The following DPY19L3 variants were observed in gnomAD, a reference collection of about 807,000 sequenced individuals.
The protein encoded by DPY19L3 is dpy-19 like C-mannosyltransferase 3, also known as protein C-mannosyl-transferase DPY19L3.
In DPY19L3, 51 loss-of-function variants were observed where a neutral mutation model predicts 92.3. The ratio of observed to expected loss-of-function variants is 0.55; its 90% CI spans 0.44 to 0.70. DPY19L3 has a LOEUF of 0.70. Among genes scored for constraint, DPY19L3 ranks in the 30% least tolerant of loss-of-function variants. The pLI is 0.00. For missense variants in DPY19L3, 706 were observed against 855.9 expected (o/e 0.82, Z 2.18); for synonymous variants, 309 against 315.2 (o/e 0.98, Z 0.21).
At chr19:32,415,946 C>T (rs972233485) in intron 3 of DPY19L3, among the ~76,000 whole-genome samples, 12 of 152,270 alleles carry the variant, frequency 7.9e-5, no homozygotes, top group African/African-American at 2.9e-4. Flanking sequence ...TAAACCAAAA[C>T]CTACATGATA....
chr19:32,482,166 C>T lies in DPY19L3; in HGVS notation c.2077C>T (p.Pro693Ser). 6.2e-7 allele frequency: 1 copy of T among 1,613,830 alleles called. No homozygotes were observed. Among genetic ancestry groups the T allele is most frequent in the Non-Finnish European group, 8.5e-7 (1 of 1,179,848 alleles). ...FCEEIKRNLPPYVAYFTRVFQ... is the reference protein window; with the variant it reads ...FCEEIKRNLPSYVAYFTRVFQ... ...TGAAGAGATCAAAAGAAACCTGCCTCCCTACGTGGCCTACTTCACCAGAGT... is the reference window on the plus strand; with the variant it reads ...TGAAGAGATCAAAAGAAACCTGCCTTCCTACGTGGCCTACTTCACCAGAGT... Residue 693 changes from proline (P) to serine (S), a missense_variant, in exon 19 of 19, where the codon CCC (proline) becomes TCC (serine). Coordinates refer to ENST00000392250, the MANE Select transcript of DPY19L3 (RefSeq NM_001172774.2).
Position 32,454,956 on chromosome 19 carries a change from A to G in DPY19L3, c.1005A>G (p.Gly335=). 6.4e-7 allele frequency: 1 copy of G among 1,564,302 alleles called. No homozygotes were observed. The highest frequency in any genetic ancestry group is 2.3e-5 in the Admixed American group (1 of 44,052). The part of the protein sequence containing the change: ...ARKLQKNLKT[G]SFLNRLGKLL... The stretch of plus-strand genomic sequence containing the variant: ...ATTTCTAGAAAAATCTGAAAACTGG[A>G]AGCTTCCTTAATAGGCTTGGGAAAC... Residue 335 remains glycine, a synonymous_variant, in exon 10 of 19, where the codon GGA becomes GGG. Coordinates refer to ENST00000392250, the MANE Select transcript of DPY19L3 (RefSeq NM_001172774.2).
rs1240666626 is a variant in DPY19L3 at position 32,458,332 on chromosome 19, C to T, written c.1164-19C>T. On this transcript the variant is annotated intron_variant, in intron 11 of 18. Coordinates refer to ENST00000392250, the MANE Select transcript of DPY19L3 (RefSeq NM_001172774.2). ...GTCTTATATTGAATTTAATACTTTGCTTTCCATTTGTTCCCTAGGGATTTT... is the reference window on the plus strand; with the variant it reads ...GTCTTATATTGAATTTAATACTTTGTTTTCCATTTGTTCCCTAGGGATTTT... 5.6e-6 allele frequency: 9 copies of T among 1,606,238 alleles called. No homozygotes were observed. Among genetic ancestry groups the T allele is most frequent in the Middle Eastern group, 1.7e-4 (1 of 6,020 alleles).
At chr19:32,476,581 C>CT (rs1308961400) in intron 16 of DPY19L3, among the ~76,000 whole-genome samples, 3 of 149,960 alleles carry the variant, frequency 2.0e-5, no homozygotes, top group African/African-American at 4.9e-5. Context: ...ACTAAGATTC[C>CT]TTTTTTCCAG....
intron 10 of DPY19L3, among the ~76,000 whole-genome samples, chr19:32,456,163 T>TC (rs1969860332): frequency 6.8e-6 from 1 of 147,098 alleles, no homozygotes; most frequent in African/African-American, 2.5e-5. Flanking sequence ...GCAGCCTCGA[T>TC]CTCCTGGATT....
intron 3 of DPY19L3, among the ~76,000 whole-genome samples, chr19:32,421,016 A>G (rs1968550288): frequency 1.3e-5 from 2 of 152,188 alleles, no homozygotes; most frequent in African/African-American, 4.8e-5. Flanking sequence ...GTTACATACT[A>G]TGCTTTTTCC....
intron 15 of DPY19L3, chr19:32,467,768 T>TAGATATGTATATA: frequency 1.3e-5 from 13 of 982,990 alleles, no homozygotes; most frequent in Non-Finnish European, 1.5e-5. Flanking sequence ...TATATAGATA[T>TAGATATGTATATA]GATCAAGTCT....
At chr19:32,460,818 T>C (rs1244351084) in intron 12 of DPY19L3, among the ~76,000 whole-genome samples, 1 of 151,908 alleles carries the variant, frequency 6.6e-6, no homozygotes, top group Non-Finnish European at 1.5e-5. Flanking sequence ...TCTACCTTTT[T>C]AGTACTAGGA....
intron 15 of DPY19L3, chr19:32,468,369 T>C: frequency 2.0e-6 from 2 of 1,014,830 alleles, no homozygotes; most frequent in Non-Finnish European, 2.4e-6. Flanking sequence ...TACATATTCC[T>C]AACGGATTGT....
chr19:32,414,247 C>T (rs8102049), intron 3 of DPY19L3, among the ~76,000 whole-genome samples: 6 of 151,900 alleles, frequency 3.9e-5, no homozygotes, highest in South Asian at 4.2e-4. Context: ...GGTGAAATCC[C>T]GTCTGTACTA....
intron 4 of DPY19L3, among the ~76,000 whole-genome samples, 196 bp downstream of exon 4, chr19:32,433,002 T>C (rs1043883636): frequency 1.3e-5 from 2 of 152,220 alleles, no homozygotes; most frequent in Admixed American, 1.3e-4. Flanking sequence ...CCTCCTCTCT[T>C]TGCCTTCCAG....
chr19:32,463,864 T>C lies in DPY19L3; in HGVS notation c.1446-5T>C. The stretch of plus-strand genomic sequence containing the variant: ...TCTGACTTGCGCCTGTGTCTGTTCT[T>C]GCAGAATGAAGTACCTCTGGACGTC... On this transcript the variant is annotated splice_region_variant and splice_polypyrimidine_tract_variant and intron_variant, in intron 13 of 18. Coordinates refer to ENST00000392250, the MANE Select transcript of DPY19L3 (RefSeq NM_001172774.2). 1.2e-6 allele frequency: 2 copies of C among 1,611,732 alleles called. No homozygotes were observed. Among genetic ancestry groups the C allele is most frequent in the Non-Finnish European group, 1.7e-6 (2 of 1,178,194 alleles).
intron 16 of DPY19L3, among the ~76,000 whole-genome samples, chr19:32,470,235 A>G (rs970738938): frequency 1.3e-5 from 2 of 152,252 alleles, no homozygotes; most frequent in Non-Finnish European, 2.9e-5. Flanking sequence ...TACAGAGTAA[A>G]TAATTCCTTC....
intron 3 of DPY19L3, among the ~76,000 whole-genome samples, chr19:32,421,406 G>A (rs1466749407): frequency 3.3e-5 from 5 of 152,162 alleles, no homozygotes; most frequent in South Asian, 2.1e-4. Context: ...TTGGGAGGCC[G>A]AGGTGGGCAC....
intron 5 of DPY19L3, 125 bp downstream of exon 5, chr19:32,436,692 AT>A (rs762543897): frequency 1.4e-4 from 127 of 891,842 alleles, no homozygotes; most frequent in South Asian, 6.3e-4. Flanking sequence ...GCAATACTAT[AT>A]TTTTTTTCCA....
In DPY19L3 at chr19:32,451,127, A is replaced by G. The variant is rs568516844; in HGVS notation, c.856-2018A>G. Among the ~76,000 whole-genome samples, 12 of 152,358 alleles carry G rather than the reference A, an allele frequency of 7.9e-5. No homozygotes were observed. In the East Asian group the frequency reaches 1.9e-3, roughly 25 times the overall value. ...TAAAGAGATGTTCACAATGTTAATA[A>G]AAAGCCAGAAACACCTAAATGGTCC... On this transcript the variant is annotated intron_variant, in intron 8 of 18. Transcript: ENST00000392250.
At chr19:32,467,759 A>G (rs935460158) in intron 15 of DPY19L3, 1 of 983,820 alleles carries the variant, frequency 1.0e-6, no homozygotes, top group Non-Finnish European at 1.2e-6. Context: ...CTTAGAATGT[A>G]TATAGATATG....
In DPY19L3 at chr19:32,484,121, AT is replaced by A. The variant is rs573964055; in HGVS notation, c.*1891del. On this transcript the variant is annotated 3_prime_UTR_variant, in exon 19 of 19. Transcript: ENST00000392250. ...ATCACCGCAATGATGGCAAACAGTG[AT>A]TTTTTTTTTCATAGTTTAGGTGTCA... The A allele has an allele frequency of 3.1e-3, 476 of 151,148 alleles. 2 individuals are homozygous for A. The highest frequency in any genetic ancestry group is 5.3e-3 in the Non-Finnish European group (357 of 67,596). The allele number at this position is 151,148 out of a possible 1,614,324, so 9.4% of individuals were successfully genotyped here.
At chr19:32,429,588 A>G (rs1968890515) in intron 3 of DPY19L3, among the ~76,000 whole-genome samples, 1 of 152,124 alleles carries the variant, frequency 6.6e-6, no homozygotes, top group Non-Finnish European at 1.5e-5. Flanking sequence ...AAAGCTTTCT[A>G]CCTTTAGTAC....
Sources: allele counts gnomAD v4.1 joint callset (sites outside exome capture counted in the v4.1 genomes callset), GRCh38; gene constraint gnomAD v4.1.1; transcripts MANE v1.5; gene names NCBI Gene and HGNC (gene_info 2026-07-23, HGNC 2026-07-21).